PLEK2: variants seen among roughly 807,000 people sequenced by gnomAD.
PLEK2 encodes the protein pleckstrin 2.
A neutral mutation model predicts 43.8 loss-of-function variants in PLEK2; 29 were observed. That is an observed-to-expected ratio of 0.66 (90% confidence interval 0.49 to 0.90). PLEK2 has a LOEUF of 0.90. Among genes scored for constraint, PLEK2 ranks in the 40% least tolerant of loss-of-function variants. The probability of loss-of-function intolerance (pLI) is 0.00; values close to 1 mark genes in which losing one functional copy is unlikely to be tolerated. For synonymous variants in PLEK2, 162 were observed against 173.2 expected (o/e 0.94, Z 0.51); for missense variants, 398 against 448.1 (o/e 0.89, Z 1.01).
intron 1 of PLEK2, among the ~76,000 whole-genome samples, chr14:67,405,765 C>T (rs2086074343): frequency 6.6e-6 from 1 of 152,058 alleles, no homozygotes; most frequent in South Asian, 2.1e-4. Flanking sequence ...CCTAAGCAGC[C>T]CAATTGAGAG....
At position 67,412,118 on chromosome 14, in the gene PLEK2, C is replaced by T. The variant is rs1289470090; in HGVS notation, c.-59G>A. 4.2e-6 allele frequency: 6 copies of T among 1,425,230 alleles called. No homozygotes were observed. 88.3% of individuals were successfully genotyped at this position (1,425,230 alleles called of 1,614,324 possible). ...CGCCTTCCCCGCGCCTCGCGCTCCTCGGCACCCGCGCAGCCCGCGCAGTCC... is the reference window on the plus strand; with the variant it reads ...CGCCTTCCCCGCGCCTCGCGCTCCTTGGCACCCGCGCAGCCCGCGCAGTCC... On this transcript the variant is annotated 5_prime_UTR_variant, in exon 1 of 9. Transcript: ENST00000216446.
intron 7 of PLEK2, among the ~76,000 whole-genome samples, chr14:67,388,888 A>G (rs1217073632): frequency 6.6e-6 from 1 of 152,068 alleles, no homozygotes; most frequent in Admixed American, 6.6e-5. Context: ...CACCTTGGCC[A>G]GGCTGGTCTC....
At position 67,412,008 on chromosome 14, in the gene PLEK2, G is replaced by A. The variant is rs1184559875; in HGVS notation, c.42+10C>T. ...CCCGGGCAATGTCCCGAAGCTCGAC[G>A]CGCACTCACCCTCTTGACCAGGAAG... On this transcript the variant is annotated intron_variant, in intron 1 of 8. Transcript: ENST00000216446. The A allele has an allele frequency of 1.3e-6, 2 of 1,547,486 alleles. No homozygotes were observed. The highest frequency in any genetic ancestry group is 1.7e-6 in the Non-Finnish European group (2 of 1,148,662).
intron 1 of PLEK2, among the ~76,000 whole-genome samples, chr14:67,407,864 T>A (rs970152017): frequency 6.6e-6 from 1 of 152,158 alleles, no homozygotes; most frequent in Non-Finnish European, 1.5e-5. Flanking sequence ...TCCCAGCTAC[T>A]TGGGAGGCTG....
chr14:67,389,752 T>A (rs2085953350), intron 7 of PLEK2, among the ~76,000 whole-genome samples: 1 of 151,626 alleles, frequency 6.6e-6, no homozygotes, highest in Non-Finnish European at 1.5e-5. Context: ...GAGAGTTAAA[T>A]ACAAAACTAA....
chr14:67,407,027 C>T (rs1049185449), intron 1 of PLEK2, among the ~76,000 whole-genome samples: 2 of 152,112 alleles, frequency 1.3e-5, no homozygotes, highest in African/African-American at 4.8e-5. Flanking sequence ...GGACGAGGGG[C>T]CCATAAGCTG....
intron 1 of PLEK2, among the ~76,000 whole-genome samples, chr14:67,399,489 A>T (rs1197133794): frequency 6.8e-6 from 1 of 147,034 alleles, no homozygotes; most frequent in African/African-American, 2.6e-5. Context: ...GGTGGCTGTC[A>T]GGTGGCAGGA....
intron 3 of PLEK2, 123 bp downstream of exon 3, chr14:67,395,279 G>T: frequency 1.3e-6 from 1 of 781,974 alleles, no homozygotes. Flanking sequence ...AGGCCCTGAA[G>T]CACCGTGGTG....
At chr14:67,388,577 C>CAAACAGAGCCTA (rs1380271777) in intron 7 of PLEK2, among the ~76,000 whole-genome samples, 5 of 152,308 alleles carry the variant, frequency 3.3e-5, no homozygotes, top group African/African-American at 1.2e-4. Context: ...GGAGATGTCT[C>CAAACAGAGCCTA]AAACAGAGCC....
intron 2 of PLEK2, among the ~76,000 whole-genome samples, chr14:67,396,217 AG>A (rs2086007645): frequency 8.8e-6 from 1 of 114,242 alleles, no homozygotes; most frequent in Admixed American, 9.3e-5. Flanking sequence ...GTGCAATCTC[AG>A]CTCACTGCAA....
intron 8 of PLEK2, 84 bp downstream of exon 8, chr14:67,388,140 C>T (rs1285823212): frequency 2.3e-6 from 2 of 857,550 alleles, no homozygotes; most frequent in African/African-American, 3.3e-5. Flanking sequence ...GCTCCCAAAG[C>T]TGTCATTTCA....
chr14:67,393,028 G>A (rs1204955476), intron 4 of PLEK2, 122 bp downstream of exon 4: 5 of 921,228 alleles, frequency 5.4e-6, no homozygotes, highest in Non-Finnish European at 7.1e-6. Context: ...GGCCATCTCA[G>A]GCTAGCCTGT....
intron 3 of PLEK2, among the ~76,000 whole-genome samples, chr14:67,394,118 T>C (rs2085989453): frequency 6.6e-6 from 1 of 152,202 alleles, no homozygotes; most frequent in Admixed American, 6.5e-5. Flanking sequence ...CCTCCAAATT[T>C]GAGAGGCAGG....
intron 2 of PLEK2, among the ~76,000 whole-genome samples, chr14:67,395,913 C>T (rs564558109): frequency 4.6e-5 from 7 of 152,212 alleles, no homozygotes; most frequent in African/African-American, 1.7e-4. Flanking sequence ...AGGGAAATGC[C>T]CAGGCTTTAA....
Position 67,395,420 on chromosome 14 carries a change from G to A in PLEK2, c.371C>T (p.Pro124Leu), listed in dbSNP as rs764795472. Residue 124 changes from proline (P) to leucine (L), a missense_variant, in exon 3 of 9, where the codon CCC becomes CTC. Pro to Leu is a moderately conservative substitution (Grantham distance 98, BLOSUM62 -3). Coordinates refer to ENST00000216446, the MANE Select transcript of PLEK2 (RefSeq NM_016445.3). ...CACTCACTGCAGGCTGATGTGCGGG[G>A]GCAGCTTGAAGGAGTTTCTCAGGCT... Reference protein sequence around the residue: ...LHSLRNSFKLPPHISLHRIVD... With the variant: ...LHSLRNSFKLLPHISLHRIVD... 6.2e-7 allele frequency: 1 copy of A among 1,613,888 alleles called. No individual in the cohort carries two copies. Among genetic ancestry groups the A allele is most frequent in the Non-Finnish European group, 8.5e-7 (1 of 1,179,812 alleles).
chr14:67,395,454 G>T lies in PLEK2; in HGVS notation c.337C>A (p.Gln113Lys). Reference protein sequence around the residue: ...IHAGQPGKVQQLHSLRNSFKL... With the variant: ...IHAGQPGKVQKLHSLRNSFKL... ...AAGGAGTTTCTCAGGCTGTGCAGCT[G>T]CTGGACCTTCCCCGGCTGCCCTGCA... Residue 113 changes from glutamine (Q) to lysine (K), a missense_variant, in exon 3 of 9, where the codon CAG becomes AAG. By Grantham distance (53) the Gln-to-Lys change is moderately conservative. Transcript: ENST00000216446. The T allele has an allele frequency of 6.2e-7, 1 of 1,614,062 alleles. No individual in the cohort carries two copies. The highest frequency in any genetic ancestry group is 8.5e-7 in the Non-Finnish European group (1 of 1,179,912).
At chr14:67,392,461 A>C in intron 5 of PLEK2, 34 bp from the exon 6 acceptor site, 2 of 1,507,578 alleles carry the variant, frequency 1.3e-6, no homozygotes, top group South Asian at 2.2e-5. Context: ...ACTCTGCTAC[A>C]GAAAAGACCC....
intron 1 of PLEK2, among the ~76,000 whole-genome samples, chr14:67,410,052 C>T (rs374697356): frequency 7.2e-5 from 11 of 152,018 alleles, no homozygotes; most frequent in African/African-American, 1.9e-4. Flanking sequence ...AGCCAAGCCC[C>T]GTCTTTTCCA....
chr14:67,407,413 G>A (rs2086086179), intron 1 of PLEK2, among the ~76,000 whole-genome samples: 1 of 151,284 alleles, frequency 6.6e-6, no homozygotes, highest in African/African-American at 2.4e-5. Flanking sequence ...GAGCCACCAC[G>A]CCCAGCCCCT....
Sources: allele counts gnomAD v4.1 joint callset (sites outside exome capture counted in the v4.1 genomes callset), GRCh38; gene constraint gnomAD v4.1.1; transcripts MANE v1.5; gene names NCBI Gene and HGNC (gene_info 2026-07-23, HGNC 2026-07-21).